NALF1: variants seen among roughly 807,000 people sequenced by gnomAD.
The protein encoded by NALF1 is NALCN channel auxiliary factor 1.
In NALF1, 3 loss-of-function variants were observed where a neutral mutation model predicts 48.4. The observed-to-expected ratio is 0.06, with a 90% CI of 0.03 to 0.16. The LOEUF is 0.16. NALF1 is among the 10% of genes least tolerant of loss of function. The pLI, the probability that NALF1 is intolerant of heterozygous loss-of-function variation, is 1.00. For missense variants in NALF1, 526 were observed against 571.5 expected (o/e 0.92, Z 0.81); for synonymous variants, 262 against 245.7 (o/e 1.07, Z -0.62).
intron 1 of NALF1, chr13:107,789,217 A>C (rs1044391454): frequency 6.6e-6 from 1 of 152,238 alleles, no homozygotes; most frequent in Non-Finnish European, 1.5e-5. Context: ...TACTACAATT[A>C]AAATTTTAGT....
intron 2 of NALF1, among the ~76,000 whole-genome samples, chr13:107,198,034 A>G (rs1360646250): frequency 6.6e-6 from 1 of 152,220 alleles, no homozygotes; most frequent in Non-Finnish European, 1.5e-5. Flanking sequence ...GACAGAACAA[A>G]TATACTTTCA....
chr13:107,630,537 A>G (rs1487047086), intron 1 of NALF1, among the ~76,000 whole-genome samples: 1 of 152,122 alleles, frequency 6.6e-6, no homozygotes, highest in African/African-American at 2.4e-5. Context: ...AAGCAGAAAT[A>G]CTGTTTTTAC....
rs945996577 is a variant in NALF1 at position 107,456,155 on chromosome 13, C to T, written c.916-245400G>A. 3.3e-5 allele frequency among the ~76,000 whole-genome samples: 5 copies of T among 152,074 alleles called. 1 individual carries two copies. Among genetic ancestry groups the T allele is most frequent in the Admixed American group, 2.0e-4 (3 of 15,264 alleles). ...GTTTTTTTCAATAGAAAGTTCATCTCAGAAGGCAGAAAGCAACCTGAGTGG... is the reference window on the plus strand; with the variant it reads ...GTTTTTTTCAATAGAAAGTTCATCTTAGAAGGCAGAAAGCAACCTGAGTGG... On this transcript the variant is annotated intron_variant, in intron 1 of 2. Coordinates refer to ENST00000375915, the MANE Select transcript of NALF1 (RefSeq NM_001080396.3).
At chr13:107,249,145 T>C (rs1339342576) in intron 1 of NALF1, among the ~76,000 whole-genome samples, 2 of 152,032 alleles carry the variant, frequency 1.3e-5, no homozygotes, top group African/African-American at 2.4e-5. Context: ...TTAAAATCAT[T>C]TGGAAAAATG....
intron 1 of NALF1, among the ~76,000 whole-genome samples, chr13:107,710,646 G>A (rs188539985): frequency 5.4e-5 from 8 of 149,420 alleles, no homozygotes; most frequent in East Asian, 1.9e-4. Flanking sequence ...ACTCACTATC[G>A]CAAGAAGAGC....
chr13:107,289,972 C>G (rs1566475858), intron 1 of NALF1, among the ~76,000 whole-genome samples: 1 of 152,132 alleles, frequency 6.6e-6, no homozygotes, highest in Non-Finnish European at 1.5e-5. Flanking sequence ...CATCAAGGAA[C>G]TTTCAGGAGA....
intron 1 of NALF1, among the ~76,000 whole-genome samples, chr13:107,616,061 G>A (rs1375579655): frequency 2.0e-5 from 3 of 152,114 alleles, no homozygotes; most frequent in African/African-American, 4.8e-5. Flanking sequence ...TGCAATAAAT[G>A]ACACCACCTC....
In NALF1 at chr13:107,812,874, CA is replaced by C. The variant is rs560660273; in HGVS notation, c.915+52807del. On this transcript the variant is annotated intron_variant, in intron 1 of 2. Transcript: ENST00000375915. ...GGCGTGCAGTGGTGTCATCTTGGCT[CA>C]CTGCAACTTTTGCCTTCCTACAGGC... Among the ~76,000 whole-genome samples the C allele has an allele frequency of 5.9e-5, 9 of 152,156 alleles. No individual in the cohort carries two copies. The South Asian group carries it at 1.9e-3, about 32-fold the overall frequency.
At chr13:107,510,910 A>T (rs1055504165) in intron 1 of NALF1, among the ~76,000 whole-genome samples, 1 of 152,126 alleles carries the variant, frequency 6.6e-6, no homozygotes, top group Non-Finnish European at 1.5e-5. Flanking sequence ...CTCCTTCTAA[A>T]TAAGATTTAT....
At chr13:107,186,910 A>G (rs1879186581) in intron 2 of NALF1, among the ~76,000 whole-genome samples, 1 of 152,212 alleles carries the variant, frequency 6.6e-6, no homozygotes. Context: ...TCAGGAAATC[A>G]GCAGGATTTA....
chr13:107,424,368 GA>G (rs1884243272), intron 1 of NALF1, among the ~76,000 whole-genome samples: 1 of 152,056 alleles, frequency 6.6e-6, no homozygotes, highest in African/African-American at 2.4e-5. Context: ...GAACTCCTGA[GA>G]ACAAGCAATC....
intron 1 of NALF1, among the ~76,000 whole-genome samples, chr13:107,645,047 G>T (rs1239054366): frequency 6.6e-6 from 1 of 152,062 alleles, no homozygotes; most frequent in African/African-American, 2.4e-5. Flanking sequence ...TGCCACCACT[G>T]ATGAGCATTT....
At chr13:107,352,122 G>A (rs1204410844) in intron 1 of NALF1, among the ~76,000 whole-genome samples, 8 of 152,138 alleles carry the variant, frequency 5.3e-5, no homozygotes, top group Non-Finnish European at 4.4e-5. Flanking sequence ...ATGTCAAAAG[G>A]TGAAATGGAT....
At chr13:107,504,834 G>A (rs2092355008) in intron 1 of NALF1, among the ~76,000 whole-genome samples, 1 of 152,162 alleles carries the variant, frequency 6.6e-6, no homozygotes, top group African/African-American at 2.4e-5. Flanking sequence ...GGGTGAAGCT[G>A]CTGTGAGCCC....
At chr13:107,298,259 A>T (rs765082029) in intron 1 of NALF1, among the ~76,000 whole-genome samples, 1 of 142,936 alleles carries the variant, frequency 7.0e-6, no homozygotes, top group African/African-American at 2.6e-5. Flanking sequence ...CTGAGGCAGG[A>T]GAATGGTGTG....
intron 1 of NALF1, among the ~76,000 whole-genome samples, chr13:107,687,357 GCTATGT>G (rs1329753430): frequency 2.0e-5 from 3 of 151,878 alleles, no homozygotes; most frequent in Non-Finnish European, 2.9e-5. Context: ...CTTCTTGGAT[GCTATGT>G]TCACTATTTG....
chr13:107,687,353 G>A (rs1335346241), intron 1 of NALF1, among the ~76,000 whole-genome samples: 2 of 151,858 alleles, frequency 1.3e-5, no homozygotes, highest in Non-Finnish European at 2.9e-5. Context: ...TCTACTTCTT[G>A]GATGCTATGT....
chr13:107,265,024 T>C (rs957154654), intron 1 of NALF1, among the ~76,000 whole-genome samples: 2 of 152,354 alleles, frequency 1.3e-5, no homozygotes, highest in African/African-American at 4.8e-5. Flanking sequence ...GAAGGCAATT[T>C]ACCTTTTGAA....
chr13:107,227,098 A>G (rs1880122594), intron 1 of NALF1, among the ~76,000 whole-genome samples: 1 of 152,264 alleles, frequency 6.6e-6, no homozygotes, highest in Non-Finnish European at 1.5e-5. Flanking sequence ...CCATCAGAAT[A>G]GCACAGAAAA....
Sources: gnomAD v4.1 joint callset for allele counts (sites outside exome capture counted in the v4.1 genomes callset) on GRCh38, gnomAD v4.1.1 for gene constraint, MANE v1.5 for transcripts, NCBI Gene and HGNC (gene_info 2026-07-23, HGNC 2026-07-21) for gene names.